TBC1D22A: variants seen among roughly 807,000 people sequenced by gnomAD.
TBC1D22A encodes TBC1 domain family member 22A, also known as putative GTPase activator.
Under a neutral mutation model 60.2 loss-of-function variants are expected in TBC1D22A, and 38 were observed. That is an observed-to-expected ratio of 0.63 (90% CI 0.49 to 0.83). The LOEUF is 0.83. Among genes scored for constraint, TBC1D22A ranks in the 40% least tolerant of loss-of-function variants. TBC1D22A has a pLI of 0.00. For synonymous variants in TBC1D22A, 302 were observed against 281.7 expected (o/e 1.07, Z -0.72); for missense variants, 628 against 701.0 (o/e 0.90, Z 1.18).
At chr22:46,817,376 C>T (rs1264391123) in intron 4 of TBC1D22A, among the ~76,000 whole-genome samples, 1 of 152,030 alleles carries the variant, frequency 6.6e-6, no homozygotes, top group Non-Finnish European at 1.5e-5. Context: ...TGACCTGTCA[C>T]CTGTTGACCT....
chr22:46,988,132 A>G (rs2074798737), intron 9 of TBC1D22A, among the ~76,000 whole-genome samples: 1 of 151,826 alleles, frequency 6.6e-6, no homozygotes, highest in African/African-American at 2.4e-5. Context: ...GCACCTTCTC[A>G]TCCATTTAAA....
chr22:46,846,109 C>T (rs1353013380), intron 4 of TBC1D22A, among the ~76,000 whole-genome samples: 1 of 152,188 alleles, frequency 6.6e-6, no homozygotes, highest in Non-Finnish European at 1.5e-5. Flanking sequence ...AGGCAGAAAC[C>T]ATGGAGTTTA....
At chr22:46,830,672 A>G (rs2086270251) in intron 4 of TBC1D22A, among the ~76,000 whole-genome samples, 1 of 152,180 alleles carries the variant, frequency 6.6e-6, no homozygotes, top group Admixed American at 6.5e-5. Context: ...ATCCTTTTAC[A>G]GGGAAGTGAA....
intron 4 of TBC1D22A, among the ~76,000 whole-genome samples, chr22:46,816,136 A>G (rs978437103): frequency 6.6e-6 from 1 of 151,496 alleles, no homozygotes; most frequent in Non-Finnish European, 1.5e-5. Flanking sequence ...CCTGCCCTGG[A>G]CCTCCTGCTG....
chr22:47,051,485 G>C (rs1417008745), intron 11 of TBC1D22A, among the ~76,000 whole-genome samples: 1 of 152,154 alleles, frequency 6.6e-6, no homozygotes, highest in Non-Finnish European at 1.5e-5. Context: ...GCGGACCCTG[G>C]GTGCGGCAGG....
intron 11 of TBC1D22A, among the ~76,000 whole-genome samples, chr22:47,082,281 C>G (rs2064500558): frequency 6.6e-6 from 1 of 152,056 alleles, no homozygotes. Context: ...TGTGGAAATG[C>G]AAAGGATTCA....
chr22:46,978,582 T>C (rs1173509429), intron 9 of TBC1D22A, among the ~76,000 whole-genome samples: 1 of 152,184 alleles, frequency 6.6e-6, no homozygotes, highest in Non-Finnish European at 1.5e-5. Context: ...ATTACATAGA[T>C]ACATAGTTGG....
At chr22:47,036,734 C>T (rs1230017001) in intron 10 of TBC1D22A, among the ~76,000 whole-genome samples, 3 of 152,184 alleles carry the variant, frequency 2.0e-5, no homozygotes, top group Admixed American at 6.5e-5. Context: ...TTCTGTGGAG[C>T]GGGGAAAGAG....
At chr22:46,913,859 C>CTGCA (rs2070144571) in intron 8 of TBC1D22A, 1 of 736,028 alleles carries the variant, frequency 1.4e-6, no homozygotes, top group East Asian at 1.3e-4. Context: ...ATCTGCAAGA[C>CTGCA]AGGATGAAGG....
At chr22:47,091,723 T>C (rs2147622188) in intron 11 of TBC1D22A, among the ~76,000 whole-genome samples, 1 of 152,210 alleles carries the variant, frequency 6.6e-6, no homozygotes, top group East Asian at 1.9e-4. Context: ...GTCTCAGAGG[T>C]CCTGAGACCT....
chr22:47,159,946 AACT>A (rs2067906426), intron 12 of TBC1D22A, among the ~76,000 whole-genome samples: 1 of 151,440 alleles, frequency 6.6e-6, no homozygotes, highest in Non-Finnish European at 1.5e-5. Context: ...CACATCACAA[AACT>A]ACACAGCACA....
chr22:47,101,437 C>T (rs1427014370), intron 11 of TBC1D22A, among the ~76,000 whole-genome samples: 1 of 152,232 alleles, frequency 6.6e-6, no homozygotes, highest in Non-Finnish European at 1.5e-5. Flanking sequence ...CTTCCAGCTT[C>T]TCCGTCTCTC....
At chr22:46,970,071 C>G (rs569348501) in intron 8 of TBC1D22A, among the ~76,000 whole-genome samples, 1 of 152,122 alleles carries the variant, frequency 6.6e-6, no homozygotes, top group Non-Finnish European at 1.5e-5. Flanking sequence ...CATCTCCCCT[C>G]GCCCTCCCCA....
At chr22:47,107,565 G>A (rs1251807211) in intron 11 of TBC1D22A, among the ~76,000 whole-genome samples, 3 of 152,190 alleles carry the variant, frequency 2.0e-5, no homozygotes, top group Non-Finnish European at 4.4e-5. Flanking sequence ...ATAAAACACT[G>A]GTGAAGAGAA....
At chr22:47,148,307 C>T (rs1006350133) in intron 12 of TBC1D22A, among the ~76,000 whole-genome samples, 13 of 140,112 alleles carry the variant, frequency 9.3e-5, no homozygotes, top group Non-Finnish European at 2.0e-4. Context: ...AGCCGCTGGA[C>T]GAGGAATTCC....
intron 6 of TBC1D22A, among the ~76,000 whole-genome samples, chr22:46,892,771 T>C (rs1293984002): frequency 6.6e-6 from 1 of 152,226 alleles, no homozygotes; most frequent in Non-Finnish European, 1.5e-5. Flanking sequence ...GTTATGAGTG[T>C]TGGAAGAGAA....
chr22:46,851,039 G>GT (rs2087249957), intron 4 of TBC1D22A, among the ~76,000 whole-genome samples: 1 of 152,204 alleles, frequency 6.6e-6, no homozygotes, highest in Non-Finnish European at 1.5e-5. Context: ...CAGGCACGTG[G>GT]TTCCTGTATG....
intron 8 of TBC1D22A, among the ~76,000 whole-genome samples, chr22:46,953,799 TTGAC>T (rs1219409752): frequency 6.6e-6 from 1 of 152,216 alleles, no homozygotes; most frequent in Non-Finnish European, 1.5e-5. Flanking sequence ...AATATTAACA[TTGAC>T]TGAGTATTTA....
At chr22:46,870,422 T>C (rs2067247142) in intron 4 of TBC1D22A, among the ~76,000 whole-genome samples, 1 of 152,268 alleles carries the variant, frequency 6.6e-6, no homozygotes, top group Non-Finnish European at 1.5e-5. Flanking sequence ...GGAAATCCAC[T>C]GTTGTAGAAG....
Sources: allele counts gnomAD v4.1 joint callset (sites outside exome capture counted in the v4.1 genomes callset), GRCh38; gene constraint gnomAD v4.1.1; transcripts MANE v1.5; gene names NCBI Gene and HGNC (gene_info 2026-07-23, HGNC 2026-07-21).